Variants in ZC3H13 observed in about 807,000 individuals in gnomAD.
ZC3H13 encodes the protein zinc finger CCCH-type containing 13.
In ZC3H13, 64 loss-of-function variants were observed where a neutral mutation model predicts 204.1. The ratio of observed to expected loss-of-function variants is 0.31; its 90% CI spans 0.26 to 0.39. ZC3H13 has a LOEUF of 0.39. Ranked by LOEUF, ZC3H13 falls within the 10% of genes least tolerant of loss-of-function variation. The pLI is 1.00. For missense variants in ZC3H13, 1,833 were observed against 2,082.7 expected (o/e 0.88, Z 2.33); for synonymous variants, 667 against 693.7 (o/e 0.96, Z 0.60).
At chr13:45,962,931 A>C (rs1951796495) in intron 17 of ZC3H13, 1 of 985,330 alleles carries the variant, frequency 1.0e-6, no homozygotes, top group African/African-American at 1.7e-5. Context: ...CCAAAACCAA[A>C]CAACCCCTAC....
intron 8 of ZC3H13, among the ~76,000 whole-genome samples, chr13:45,996,503 A>T (rs1379208621): frequency 1.8e-4 from 27 of 152,204 alleles, no homozygotes. Context: ...TCCAGAAATA[A>T]ACAATTCATA....
Position 46,039,583 on chromosome 13 carries a change from TAAC to T in ZC3H13, c.339+2578_339+2580del, listed in dbSNP as rs1216944480. Among the ~76,000 whole-genome samples the T allele has an allele frequency of 2.0e-5, 3 of 152,322 alleles. No homozygotes were observed. In the East Asian group the frequency reaches 5.8e-4, roughly 29 times the overall value. On this transcript the variant is annotated intron_variant, in intron 4 of 18. Transcript: ENST00000679008. The stretch of plus-strand genomic sequence containing the variant: ...TCCAGATGTTTGCTCCTTATACTAA[TAAC>T]AATTCATCTAGTAGTATGCTAGAGT...
At chr13:45,968,670 C>A in intron 14 of ZC3H13, 78 bp downstream of exon 14, 1 of 1,480,966 alleles carries the variant, frequency 6.8e-7, no homozygotes, top group Non-Finnish European at 9.0e-7. Context: ...ACCAATTTAG[C>A]ATTACTTTAG....
chr13:45,962,962 A>C, intron 17 of ZC3H13: 1 of 985,450 alleles, frequency 1.0e-6, no homozygotes, highest in African/African-American at 1.7e-5. Flanking sequence ...CATAAGCTAG[A>C]TAATCTGGAA....
intron 4 of ZC3H13, among the ~76,000 whole-genome samples, chr13:46,023,027 C>G (rs1483098264): frequency 2.6e-5 from 4 of 152,072 alleles, no homozygotes; most frequent in East Asian, 1.9e-4. Context: ...TATGCGTGGG[C>G]AGATTATGTT....
chr13:46,000,980 C>T (rs972819667), intron 8 of ZC3H13, among the ~76,000 whole-genome samples: 5 of 152,168 alleles, frequency 3.3e-5, no homozygotes, highest in Non-Finnish European at 5.9e-5. Flanking sequence ...GTCAGTAGGG[C>T]AGTCAGAACA....
At position 45,957,110 on chromosome 13, in the gene ZC3H13, C is replaced by T; in HGVS notation, c.*17G>A. On this transcript the variant is annotated 3_prime_UTR_variant, in exon 19 of 19. Coordinates refer to ENST00000679008, the MANE Select transcript of ZC3H13 (RefSeq NM_001330564.2). ...TGAAGGAAGACAGTACCAAAAATAC[C>T]ATATTGAACTTCGGTCTTAAGACAC... The T allele has an allele frequency of 6.9e-7, 1 of 1,445,614 alleles. No homozygotes were observed. The highest frequency in any genetic ancestry group is 9.2e-7 in the Non-Finnish European group (1 of 1,086,896). The allele number at this position is 1,445,614 out of a possible 1,614,324, so 89.5% of individuals were successfully genotyped here.
intron 4 of ZC3H13, among the ~76,000 whole-genome samples, chr13:46,027,355 C>G (rs2042604337): frequency 1.3e-5 from 2 of 152,160 alleles, no homozygotes; most frequent in Admixed American, 6.5e-5. Flanking sequence ...ATCTGCCTGC[C>G]TTGGCCTCCC....
At chr13:45,966,113 C>T (rs1380971522) in intron 15 of ZC3H13, among the ~76,000 whole-genome samples, 1 of 152,014 alleles carries the variant, frequency 6.6e-6, no homozygotes, top group Non-Finnish European at 1.5e-5. Context: ...TTTTTTCAAC[C>T]ACCTATGCTA....
chr13:45,988,734 A>G, intron 9 of ZC3H13, 53 bp downstream of exon 9: 4 of 1,543,480 alleles, frequency 2.6e-6, no homozygotes, highest in Non-Finnish European at 3.5e-6. Flanking sequence ...TAGTACAACA[A>G]TAAAGCTGGA....
intron 8 of ZC3H13, among the ~76,000 whole-genome samples, chr13:45,991,100 T>C (rs1380251773): frequency 1.3e-5 from 2 of 152,188 alleles, no homozygotes; most frequent in African/African-American, 4.8e-5. Flanking sequence ...CCATGCTTGA[T>C]GGTTCTCGTC....
At chr13:45,987,896 G>A (rs148539904) in intron 9 of ZC3H13, among the ~76,000 whole-genome samples, 3 of 152,270 alleles carry the variant, frequency 2.0e-5, no homozygotes, top group African/African-American at 7.2e-5. Context: ...TATTAAACAG[G>A]CTTTATTGCC....
In ZC3H13 at chr13:45,958,648, G is replaced by GTTTT. The variant is rs10539884; in HGVS notation, c.4839+831_4839+834dup. ...CTCACCACCCCAAATAAAAATCCCA[G>GTTTT]TTTTTTTTTTTTTTTTTTTTTTTTT... On this transcript the variant is annotated intron_variant, in intron 18 of 18. Transcript: ENST00000679008. Among the ~76,000 whole-genome samples, 100 of 123,640 alleles carry GTTTT rather than the reference G, an allele frequency of 8.1e-4. 1 individual carries two copies. The highest frequency in any genetic ancestry group is 1.3e-3 in the Non-Finnish European group (81 of 60,268). The allele number at this position is 123,640 out of a possible 152,430, so 81.1% of individuals were successfully genotyped here. A position where few individuals can be genotyped will look rare whatever the true frequency, so the allele number is the denominator to read the frequency against.
At chr13:46,006,243 T>C (rs1421408496) in intron 7 of ZC3H13, among the ~76,000 whole-genome samples, 2 of 152,034 alleles carry the variant, frequency 1.3e-5, no homozygotes, top group Non-Finnish European at 2.9e-5. Context: ...ACTCCTGGCT[T>C]ACTGGCTTCC....
At chr13:46,003,452 T>C in intron 7 of ZC3H13, 116 bp from the exon 8 acceptor site, 1 of 897,226 alleles carries the variant, frequency 1.1e-6, no homozygotes, top group Non-Finnish European at 1.7e-6. Flanking sequence ...TTATTTTGTA[T>C]ACTACTAACC....
intron 14 of ZC3H13, 52 bp downstream of exon 14, chr13:45,968,696 A>G (rs1952299667): frequency 6.6e-7 from 1 of 1,515,520 alleles, no homozygotes; most frequent in Non-Finnish European, 8.8e-7. Context: ...AAATGTGTAT[A>G]AAATATACTA....
chr13:45,971,900 A>C (rs537005052), intron 12 of ZC3H13, among the ~76,000 whole-genome samples: 2 of 152,296 alleles, frequency 1.3e-5, no homozygotes, highest in Non-Finnish European at 2.9e-5. Context: ...CGTATGAAAA[A>C]ATGCTCAAAA....
chr13:45,973,130 G>A (rs1405295725), intron 12 of ZC3H13, among the ~76,000 whole-genome samples: 1 of 152,160 alleles, frequency 6.6e-6, no homozygotes, highest in Non-Finnish European at 1.5e-5. Flanking sequence ...TAACTTATGT[G>A]GTGATGTGTT....
chr13:45,983,088 T>C (rs1953800013), intron 10 of ZC3H13, among the ~76,000 whole-genome samples: 1 of 152,128 alleles, frequency 6.6e-6, no homozygotes, highest in African/African-American at 2.4e-5. Context: ...CATGTAGATT[T>C]GAAAGTGTAG....
Sources: allele counts gnomAD v4.1 joint callset (sites outside exome capture counted in the v4.1 genomes callset), GRCh38; gene constraint gnomAD v4.1.1; transcripts MANE v1.5; gene names NCBI Gene and HGNC (gene_info 2026-07-23, HGNC 2026-07-21).